PACRG: variants seen among roughly 807,000 people sequenced by gnomAD.
PACRG encodes parkin coregulated, also known as parkin coregulated gene protein.
A neutral mutation model predicts 29.7 loss-of-function variants in PACRG; 29 were observed. The observed-to-expected ratio is 0.98, with a 90% confidence interval of 0.73 to 1.33. The LOEUF (loss-of-function observed/expected upper bound fraction) is 1.33. Among genes scored for constraint, PACRG ranks in the 40% most tolerant of loss-of-function variants. The pLI is 0.00. For synonymous variants in PACRG, 116 were observed against 118.7 expected (o/e 0.98, Z 0.15); for missense variants, 279 against 316.2 (o/e 0.88, Z 0.89).
intron 2 of PACRG, among the ~76,000 whole-genome samples, chr6:162,978,394 A>C (rs1418631877): frequency 6.6e-6 from 1 of 152,128 alleles, no homozygotes; most frequent in Non-Finnish European, 1.5e-5. Context: ...TACCAGTTTT[A>C]TTTTAGAAAA....
intron 4 of PACRG, among the ~76,000 whole-genome samples, chr6:163,225,933 C>T (rs1781776775): frequency 6.6e-6 from 1 of 152,128 alleles, no homozygotes; most frequent in Non-Finnish European, 1.5e-5. Context: ...AATCCTAGCA[C>T]TTTGAGAGGC....
In PACRG at chr6:163,158,803, T is replaced by C. The variant is rs142437656; in HGVS notation, c.613+69395T>C. Among the ~76,000 whole-genome samples the C allele has an allele frequency of 4.2e-3, 638 of 152,274 alleles. 6 individuals are homozygous for C. The highest frequency in any genetic ancestry group is 0.015 in the African/African-American group (625 of 41,546). The stretch of plus-strand genomic sequence containing the variant: ...GGCACAGGGCTTTGGTGCTGGAAGC[T>C]CTTGGAATCTGACTTAAGTACCACT... On this transcript the variant is annotated intron_variant, in intron 4 of 4. Coordinates refer to ENST00000366888, the MANE Select transcript of PACRG (RefSeq NM_001080379.2).
intron 4 of PACRG, among the ~76,000 whole-genome samples, chr6:163,092,384 T>A (rs948903025): frequency 2.6e-5 from 4 of 152,154 alleles, no homozygotes; most frequent in African/African-American, 9.7e-5. Context: ...CAGTCCATGC[T>A]CACAGCACCA....
chr6:163,163,867 G>C (rs190918670), intron 4 of PACRG, among the ~76,000 whole-genome samples: 4 of 151,770 alleles, frequency 2.6e-5, no homozygotes, highest in Admixed American at 1.3e-4. Flanking sequence ...ATTTTCAAAG[G>C]GAAAAAGAAT....
rs201881748 is a variant in PACRG, at chr6:162,728,217, C to G, written c.-19C>G. 6 of 1,611,542 alleles carry G rather than the reference C, an allele frequency of 3.7e-6. No homozygotes were observed. The highest frequency in any genetic ancestry group is 5.1e-6 in the Non-Finnish European group (6 of 1,179,028). ...TCTTTTACTACACTTTTTATGAGAA[C>G]AAGACATTTTCTAGGAAGATGGTGG... On this transcript the variant is annotated 5_prime_UTR_variant, in exon 1 of 5. Transcript: ENST00000366888.
chr6:162,970,550 C>G (rs1801443139), intron 2 of PACRG, among the ~76,000 whole-genome samples: 1 of 152,196 alleles, frequency 6.6e-6, no homozygotes, highest in Admixed American at 6.5e-5. Context: ...CCCCCACCCA[C>G]TTTCACCCTT....
At chr6:162,900,663 C>T (rs951381673) in intron 2 of PACRG, among the ~76,000 whole-genome samples, 3 of 152,118 alleles carry the variant, frequency 2.0e-5, no homozygotes, top group African/African-American at 7.2e-5. Context: ...CTTTCTTATT[C>T]CTCAGGCTCC....
chr6:163,231,962 C>T (rs1242612643), intron 4 of PACRG, among the ~76,000 whole-genome samples: 1 of 152,220 alleles, frequency 6.6e-6, no homozygotes, highest in Non-Finnish European at 1.5e-5. Flanking sequence ...TGTAATGCTG[C>T]ATTGGCAGAT....
intron 4 of PACRG, among the ~76,000 whole-genome samples, chr6:163,217,826 C>A (rs1254126540): frequency 6.6e-6 from 1 of 151,956 alleles, no homozygotes; most frequent in Non-Finnish European, 1.5e-5. Flanking sequence ...CCCATCACCC[C>A]ATCACAGATG....
chr6:163,197,527 T>C (rs1780522351), intron 4 of PACRG, among the ~76,000 whole-genome samples: 1 of 146,834 alleles, frequency 6.8e-6, no homozygotes, highest in Non-Finnish European at 1.5e-5. Flanking sequence ...CACTGCAAGC[T>C]CTGCCTCCCG....
chr6:162,909,292 A>G (rs890733815), intron 2 of PACRG, among the ~76,000 whole-genome samples: 30 of 152,120 alleles, frequency 2.0e-4, no homozygotes, highest in Non-Finnish European at 4.1e-4. Context: ...GCGGGGGCTC[A>G]TGCCTGTAAT....
chr6:162,844,434 A>G (rs1349132668), intron 2 of PACRG, among the ~76,000 whole-genome samples: 3 of 152,198 alleles, frequency 2.0e-5, no homozygotes, highest in African/African-American at 4.8e-5. Flanking sequence ...AAGTGAGGCA[A>G]TGCCTCGCCC....
chr6:162,791,307 G>GTTTTTTTTTTTTT (rs141410582), intron 1 of PACRG, among the ~76,000 whole-genome samples: 2 of 117,880 alleles, frequency 1.7e-5, no homozygotes, highest in African/African-American at 3.3e-5. Context: ...TAGTTTGTTT[G>GTTTTTTTTTTTTT]TTTGTTTTTT....
chr6:163,269,636 AC>A (rs1404953980), intron 4 of PACRG, among the ~76,000 whole-genome samples: 10 of 151,726 alleles, frequency 6.6e-5, no homozygotes, highest in African/African-American at 2.4e-4. Flanking sequence ...AAGATATCCC[AC>A]CCCACCAAGT....
intron 1 of PACRG, among the ~76,000 whole-genome samples, chr6:162,748,624 A>G (rs1781277761): frequency 6.6e-6 from 1 of 152,206 alleles, no homozygotes; most frequent in African/African-American, 2.4e-5. Flanking sequence ...CTAAAGTATC[A>G]ATGAGATTCA....
intron 3 of PACRG, among the ~76,000 whole-genome samples, chr6:163,067,361 T>C (rs191868231): frequency 6.6e-6 from 1 of 152,092 alleles, no homozygotes; most frequent in African/African-American, 2.4e-5. Context: ...GCGTGGGACA[T>C]GGGTGGGAGG....
chr6:163,148,969 G>C (rs1463024578), intron 4 of PACRG, among the ~76,000 whole-genome samples: 11 of 78,282 alleles, frequency 1.4e-4, no homozygotes, highest in African/African-American at 2.6e-4. Context: ...GGCGGGGGGG[G>C]GGGGGGGGGG....
chr6:162,896,962 A>G (rs1004858927), intron 2 of PACRG, among the ~76,000 whole-genome samples: 18 of 152,344 alleles, frequency 1.2e-4, no homozygotes, highest in African/African-American at 4.3e-4. Context: ...ATACGAACCC[A>G]TTGGGAAAAT....
At chr6:163,063,512 T>C (rs1811268028) in intron 3 of PACRG, among the ~76,000 whole-genome samples, 2 of 152,246 alleles carry the variant, frequency 1.3e-5, no homozygotes, top group Non-Finnish European at 1.5e-5. Flanking sequence ...TCCCAGAGTC[T>C]GGATTATTTA....
Sources: gnomAD v4.1 joint callset for allele counts (sites outside exome capture counted in the v4.1 genomes callset) on GRCh38, gnomAD v4.1.1 for gene constraint, MANE v1.5 for transcripts, NCBI Gene and HGNC (gene_info 2026-07-23, HGNC 2026-07-21) for gene names.